The following BICD1 variants were observed in gnomAD, a reference collection of about 807,000 sequenced individuals.
The protein encoded by BICD1 is BICD cargo adaptor 1.
BICD1 carries 35 observed loss-of-function variants against 92.5 expected under a neutral mutation model. That is an observed-to-expected ratio of 0.38 (90% CI 0.29 to 0.50). The LOEUF is 0.50. Among genes scored for constraint, BICD1 ranks in the 20% least tolerant of loss-of-function variants. BICD1 has a pLI of 0.93. For missense variants in BICD1, 950 were observed against 1,189.8 expected, an observed-to-expected ratio of 0.80 and a Z score of 2.97; for synonymous variants, 429 against 465.1, an observed-to-expected ratio of 0.92 and a Z score of 1.00.
chr12:32,356,904 C>T (rs756454202), intron 8 of BICD1, among the ~76,000 whole-genome samples: 19 of 152,150 alleles, frequency 1.2e-4, no homozygotes, highest in Non-Finnish European at 2.5e-4. Context: ...CATTCCACTC[C>T]CGTCAGTTTA....
intron 1 of BICD1, among the ~76,000 whole-genome samples, chr12:32,158,105 T>C (rs11051822): frequency 6.9e-6 from 1 of 145,564 alleles, no homozygotes; most frequent in East Asian, 2.2e-4. Context: ...GTTTTTTTTT[T>C]CTTTTTTTTT....
At chr12:32,241,921 A>G (rs2136083396) in intron 2 of BICD1, among the ~76,000 whole-genome samples, 1 of 152,174 alleles carries the variant, frequency 6.6e-6, no homozygotes, top group Non-Finnish European at 1.5e-5. Context: ...AAGACGGGAC[A>G]TGGTAAGACA....
At chr12:32,325,439 A>T (rs1392087443) in intron 4 of BICD1, among the ~76,000 whole-genome samples, 1 of 152,202 alleles carries the variant, frequency 6.6e-6, no homozygotes, top group African/African-American at 2.4e-5. Context: ...CTCACAATCA[A>T]TATATTTGGT....
At position 32,294,042 on chromosome 12, in the gene BICD1, C is replaced by T. The variant is rs1457751453; in HGVS notation, c.475C>T (p.Arg159Ter). 2 of 1,612,630 alleles carry T rather than the reference C, an allele frequency of 1.2e-6. No individual in the cohort carries two copies. Among genetic ancestry groups the T allele is most frequent in the Non-Finnish European group, 1.7e-6 (2 of 1,179,674 alleles). ...LQRIRMKDEI[R>*]EYKFREARLL... Reference sequence around the variant, plus strand: ...GAGAATACGGATGAAGGATGAAATCCGAGAATATAAGTTCCGGGAGGCACG... The same window carrying T: ...GAGAATACGGATGAAGGATGAAATCTGAGAATATAAGTTCCGGGAGGCACG... Residue 159 changes from arginine to a stop codon, truncating the protein, a stop_gained, in exon 3 of 10, where the codon CGA becomes TGA. Transcript: ENST00000652176. LOFTEE classifies it high-confidence loss of function.
At chr12:32,171,984 CACACACTA>C (rs1016607816) in intron 1 of BICD1, among the ~76,000 whole-genome samples, 3 of 100,734 alleles carry the variant, frequency 3.0e-5, no homozygotes, top group African/African-American at 9.5e-5. Context: ...CACACACACA[CACACACTA>C]AAACTGCTGA....
intron 8 of BICD1, among the ~76,000 whole-genome samples, chr12:32,341,832 C>T (rs973550032): frequency 1.3e-5 from 2 of 152,026 alleles, no homozygotes; most frequent in African/African-American, 4.8e-5. Flanking sequence ...TTTCCCTCAG[C>T]TGAACTATAT....
intron 1 of BICD1, among the ~76,000 whole-genome samples, chr12:32,215,775 C>A (rs1441206786): frequency 7.1e-6 from 1 of 140,306 alleles, no homozygotes; most frequent in Non-Finnish European, 1.5e-5. Flanking sequence ...AGGTGAAACC[C>A]CGTCTCTACT....
chr12:32,215,953 C>CAAA lies in BICD1; in HGVS notation c.214-274_214-272dup, dbSNP rs56005523. On this transcript the variant is annotated intron_variant, in intron 1 of 9. Transcript: ENST00000652176. ...TGGGCGACAGAGCGAGACTCCGTCT[C>CAAA]AAAAAAAAAAAAAAAAAAAAAAGGA... Among the ~76,000 whole-genome samples, 455 of 67,746 alleles carry CAAA rather than the reference C, an allele frequency of 6.7e-3. 25 individuals are homozygous for CAAA. The highest frequency in any genetic ancestry group is 0.031 in the Middle Eastern group (3 of 98). 44.4% of individuals were successfully genotyped at this position (67,746 alleles called of 152,430 possible).
intron 2 of BICD1, among the ~76,000 whole-genome samples, chr12:32,289,512 AGTAGCTAGGACTACAGGCGC>A (rs1947667959): frequency 6.6e-6 from 1 of 152,218 alleles, no homozygotes; most frequent in East Asian, 1.9e-4. Flanking sequence ...CAGCCTCCCA[AGTAGCTAGGACTACAGGCGC>A]GTGCCACCAC....
intron 1 of BICD1, among the ~76,000 whole-genome samples, chr12:32,209,151 T>C (rs1445174104): frequency 6.6e-6 from 1 of 152,172 alleles, no homozygotes; most frequent in Non-Finnish European, 1.5e-5. Context: ...GGAATAAGGA[T>C]GAATCATTAG....
chr12:32,120,381 G>A (rs1942099403), intron 1 of BICD1, among the ~76,000 whole-genome samples: 1 of 152,164 alleles, frequency 6.6e-6, no homozygotes, highest in Non-Finnish European at 1.5e-5. Flanking sequence ...AGCAATATGT[G>A]TACAATAACA....
chr12:32,122,908 G>A (rs1193791033), intron 1 of BICD1, among the ~76,000 whole-genome samples: 1 of 152,180 alleles, frequency 6.6e-6, no homozygotes, highest in African/African-American at 2.4e-5. Context: ...TGAGCAGATA[G>A]GTCATTGTAT....
chr12:32,296,396 T>A (rs1947874887), intron 3 of BICD1, among the ~76,000 whole-genome samples: 1 of 151,840 alleles, frequency 6.6e-6, no homozygotes. Context: ...TAGCTGGGAC[T>A]ACATGCATGT....
At chr12:32,275,404 A>C (rs1279143022) in intron 2 of BICD1, among the ~76,000 whole-genome samples, 1 of 152,136 alleles carries the variant, frequency 6.6e-6, no homozygotes. Context: ...TTTTTTAGTC[A>C]CCGTCTATAT....
intron 8 of BICD1, among the ~76,000 whole-genome samples, chr12:32,348,727 T>A (rs1438246218): frequency 0.18 from 235 of 1,300 alleles, 2 homozygotes; most frequent in Non-Finnish European, 0.2. Flanking sequence ...CACAAAAATA[T>A]ATATATATAT....
intron 1 of BICD1, among the ~76,000 whole-genome samples, chr12:32,182,579 C>T (rs368276072): frequency 6.6e-6 from 1 of 151,514 alleles, no homozygotes; most frequent in Non-Finnish European, 1.5e-5. Context: ...CACCATGCCC[C>T]GCTGTTTTCT....
At chr12:32,164,494 C>A (rs766141406) in intron 1 of BICD1, among the ~76,000 whole-genome samples, 1 of 152,074 alleles carries the variant, frequency 6.6e-6, no homozygotes. Context: ...TTTTTATTGG[C>A]GTCAAACTAC....
rs112711720 is a variant in BICD1, at chr12:32,225,873, C to T, written c.426+9414C>T. Among the ~76,000 whole-genome samples the T allele has an allele frequency of 5.6e-3, 850 of 152,150 alleles. 6 individuals carry two copies. The highest frequency in any genetic ancestry group is 0.018 in the East Asian group (94 of 5,164). Reference sequence around the variant, plus strand: ...CTGGCCTCAGGTGATCCACCCACCTCGGCCTCCCAAAATGCTGAGATTTCA... The same window carrying T: ...CTGGCCTCAGGTGATCCACCCACCTTGGCCTCCCAAAATGCTGAGATTTCA... On this transcript the variant is annotated intron_variant, in intron 2 of 9. Coordinates refer to ENST00000652176, the MANE Select transcript of BICD1 (RefSeq NM_001714.4).
chr12:32,240,375 G>A (rs74660249), intron 2 of BICD1, among the ~76,000 whole-genome samples: 123 of 152,278 alleles, frequency 8.1e-4, no homozygotes, highest in African/African-American at 2.7e-3. Flanking sequence ...CTGGGGAAGC[G>A]TACATTTCCT....
Sources: gnomAD v4.1 joint callset for allele counts (sites outside exome capture counted in the v4.1 genomes callset) on GRCh38, gnomAD v4.1.1 for gene constraint, MANE v1.5 for transcripts, NCBI Gene and HGNC (gene_info 2026-07-23, HGNC 2026-07-21) for gene names.